VPS37A: variants seen among roughly 807,000 people sequenced by gnomAD.
VPS37A encodes vacuolar protein sorting-associated protein 37A.
VPS37A carries 30 observed loss-of-function variants against 49.8 expected under a neutral mutation model. The observed-to-expected ratio is 0.60, with a 90% CI of 0.45 to 0.82. VPS37A has a LOEUF of 0.82. VPS37A is among the 40% of genes least tolerant of loss of function. The pLI is 0.00. For synonymous variants in VPS37A, 195 were observed against 160.6 expected, an observed-to-expected ratio of 1.21 and a Z score of -1.62; for missense variants, 593 against 464.4, an observed-to-expected ratio of 1.28 and a Z score of -2.55.
intron 1 of VPS37A, among the ~76,000 whole-genome samples, chr8:17,252,563 C>T (rs533626462): frequency 6.6e-6 from 1 of 152,252 alleles, no homozygotes; most frequent in South Asian, 2.1e-4. Flanking sequence ...TCCCCTATGT[C>T]CCCTGTCGTC....
intron 1 of VPS37A, among the ~76,000 whole-genome samples, chr8:17,255,664 C>G (rs1006666324): frequency 3.1e-4 from 47 of 152,096 alleles, no homozygotes; most frequent in African/African-American, 1.1e-3. Context: ...TTTCTTTTAT[C>G]AACTGTATAT....
intron 2 of VPS37A, among the ~76,000 whole-genome samples, chr8:17,267,867 A>G (rs918981369): frequency 1.3e-5 from 2 of 152,128 alleles, no homozygotes; most frequent in Non-Finnish European, 2.9e-5. Context: ...AGAAAATTAT[A>G]TGGCTAGAAC....
At chr8:17,317,177 C>A in the VPS37A span, among the ~76,000 whole-genome samples, 1 of 152,050 alleles carries the variant, frequency 6.6e-6, no homozygotes, top group Non-Finnish European at 1.5e-5. Flanking sequence ...GTTGAGCTTT[C>A]CTCAGTTTTC....
chr8:17,299,685 G>T (rs184571999), downstream of VPS37A: 1 of 754,694 alleles, frequency 1.3e-6, no homozygotes, highest in Middle Eastern at 3.9e-4. Flanking sequence ...AAATGACTAC[G>T]TCCTCTTCAG....
chr8:17,316,577 T>C, the VPS37A span, among the ~76,000 whole-genome samples: 1 of 152,166 alleles, frequency 6.6e-6, no homozygotes, highest in Non-Finnish European at 1.5e-5. Flanking sequence ...AGCTCTATCA[T>C]GCACAGTTGG....
intron 4 of VPS37A, among the ~76,000 whole-genome samples, chr8:17,270,354 C>T (rs967998445): frequency 6.6e-6 from 1 of 152,038 alleles, no homozygotes; most frequent in African/African-American, 2.4e-5. Context: ...CATTTTTGCT[C>T]CACTTTTTGC....
At position 17,248,002 on chromosome 8, in the gene VPS37A, T is replaced by C. The variant is rs187685326; in HGVS notation, c.125+633T>C. 1.5e-3 allele frequency: 785 copies of C among 533,592 alleles called. 7 individuals carry two copies. Among genetic ancestry groups the C allele is most frequent in the African/African-American group, 0.014 (714 of 52,684 alleles). 33.1% of individuals were successfully genotyped at this position (533,592 alleles called of 1,614,324 possible). On this transcript the variant is annotated intron_variant, in intron 1 of 11. Coordinates refer to ENST00000324849, the MANE Select transcript of VPS37A (RefSeq NM_152415.3). ...ACGCTCAAGAATTACTTTATGTTCA[T>C]CTTGATTGTTCTGTTGTCTTCCTGT...
chr8:17,309,164 A>T, the VPS37A span: 1 of 713,896 alleles, frequency 1.4e-6, no homozygotes, highest in East Asian at 2.6e-5. Context: ...AGCTTTCTGA[A>T]TAAGAGACAC....
chr8:17,305,625 T>G (rs1817398079), downstream of VPS37A: 7 of 693,118 alleles, frequency 1.0e-5, no homozygotes, highest in Admixed American at 3.2e-5. Context: ...AAAAAGAAAA[T>G]AAAACTAATC....
At chr8:17,302,289 G>T, downstream of VPS37A, 1 of 1,612,102 alleles carries the variant, frequency 6.2e-7, no homozygotes, top group Non-Finnish European at 8.5e-7. Context: ...ACCTGGAAAG[G>T]ATGGCAAAGC....
intron 1 of VPS37A, among the ~76,000 whole-genome samples, chr8:17,251,506 T>G (rs1352107277): frequency 2.0e-5 from 3 of 152,236 alleles, no homozygotes; most frequent in Admixed American, 2.0e-4. Flanking sequence ...GCTTGAATCT[T>G]TGCCTCTTAG....
At chr8:17,286,554 A>G (rs1489220003) in intron 11 of VPS37A, 127 bp downstream of exon 11, 3 of 709,848 alleles carry the variant, frequency 4.2e-6, no homozygotes, top group Non-Finnish European at 7.0e-6. Flanking sequence ...TGTGCTATGT[A>G]ACATAGAATG....
intron 11 of VPS37A, among the ~76,000 whole-genome samples, chr8:17,294,748 C>T (rs143458048): frequency 3.3e-5 from 5 of 152,130 alleles, no homozygotes; most frequent in Admixed American, 1.3e-4. Context: ...GCTCACCCTC[C>T]GTGGGCTACA....
At chr8:17,304,665 G>T, downstream of VPS37A, 2 of 766,894 alleles carry the variant, frequency 2.6e-6, no homozygotes, top group South Asian at 1.8e-5. Flanking sequence ...TCATCTTGGT[G>T]ACTTCATGGT....
intron 2 of VPS37A, 95 bp downstream of exon 2, chr8:17,266,076 T>A: frequency 9.6e-7 from 1 of 1,043,568 alleles, no homozygotes; most frequent in East Asian, 2.6e-5. Context: ...AAGGTGAACT[T>A]ATTTCAAGTA....
intron 1 of VPS37A, among the ~76,000 whole-genome samples, chr8:17,261,921 C>T (rs1315943980): frequency 6.6e-6 from 1 of 152,194 alleles, no homozygotes; most frequent in African/African-American, 2.4e-5. Flanking sequence ...TCCCCTTTGT[C>T]TCTGGCTGTC....
intron 4 of VPS37A, among the ~76,000 whole-genome samples, chr8:17,273,521 T>C (rs1343030147): frequency 6.6e-6 from 1 of 151,958 alleles, no homozygotes; most frequent in Non-Finnish European, 1.5e-5. Context: ...CGCCCACCAC[T>C]ACGCCCAGCT....
chr8:17,310,099 C>A, the VPS37A span, among the ~76,000 whole-genome samples: 1 of 152,212 alleles, frequency 6.6e-6, no homozygotes, highest in Non-Finnish European at 1.5e-5. Context: ...CTCCTGAGCT[C>A]GAGCGATCCT....
intron 9 of VPS37A, among the ~76,000 whole-genome samples, chr8:17,282,404 A>G (rs1382366177): frequency 1.8e-4 from 27 of 152,160 alleles, no homozygotes; most frequent in Admixed American, 1.7e-3. Flanking sequence ...ACTAGCTTCT[A>G]GGATTTTTTC....
Sources: gnomAD v4.1 joint callset for allele counts (sites outside exome capture counted in the v4.1 genomes callset) on GRCh38, gnomAD v4.1.1 for gene constraint, MANE v1.5 for transcripts, NCBI Gene and HGNC (gene_info 2026-07-23, HGNC 2026-07-21) for gene names.